Variants in TMEM178B observed in about 807,000 individuals in gnomAD.
TMEM178B encodes transmembrane protein 178B.
In TMEM178B, 5 loss-of-function variants were observed where a neutral mutation model predicts 31.0. The observed-to-expected ratio is 0.16, with a 90% CI of 0.08 to 0.34. The LOEUF is 0.34. Ranked by LOEUF, TMEM178B falls within the 10% of genes least tolerant of loss-of-function variation. The probability of loss-of-function intolerance (pLI) is 1.00; values close to 1 mark genes in which losing one functional copy is unlikely to be tolerated. For synonymous variants in TMEM178B, 164 were observed against 164.0 expected, an observed-to-expected ratio of 1.00 and a Z score of 0.00; for missense variants, 275 against 400.3, an observed-to-expected ratio of 0.69 and a Z score of 2.67.
intron 1 of TMEM178B, among the ~76,000 whole-genome samples, chr7:141,100,994 A>C (rs1795047190): frequency 6.6e-6 from 1 of 152,194 alleles, no homozygotes; most frequent in Non-Finnish European, 1.5e-5. Flanking sequence ...TACTTCATAG[A>C]TACACATATT....
intron 2 of TMEM178B, among the ~76,000 whole-genome samples, chr7:141,266,626 T>G (rs888155699): frequency 6.6e-6 from 1 of 152,286 alleles, no homozygotes. Flanking sequence ...TCTGGACATC[T>G]TGAGCAAGTC....
At chr7:141,174,022 A>G (rs1275632468) in intron 1 of TMEM178B, among the ~76,000 whole-genome samples, 2 of 152,162 alleles carry the variant, frequency 1.3e-5, no homozygotes, top group Admixed American at 6.5e-5. Context: ...TGTTTGTTAC[A>G]TAGGTATACA....
At chr7:141,275,717 A>G (rs1798255249) in intron 2 of TMEM178B, among the ~76,000 whole-genome samples, 1 of 152,226 alleles carries the variant, frequency 6.6e-6, no homozygotes, top group Non-Finnish European at 1.5e-5. Context: ...TAATTTCATT[A>G]TAAGGTTCAT....
At chr7:141,494,785 A>G in the TMEM178B span, among the ~76,000 whole-genome samples, 5 of 152,332 alleles carry the variant, frequency 3.3e-5, no homozygotes, top group Admixed American at 2.0e-4. Context: ...AGGAGTGTTA[A>G]TGATAGCATG....
chr7:141,165,183 C>T (rs1446472193), intron 1 of TMEM178B, among the ~76,000 whole-genome samples: 1 of 66,772 alleles, frequency 1.5e-5, no homozygotes, highest in South Asian at 2.7e-4. Context: ...TATTTTTATA[C>T]TAATGTCCTT....
intron 3 of TMEM178B, among the ~76,000 whole-genome samples, chr7:141,450,517 A>G (rs546450046): frequency 6.6e-4 from 101 of 152,344 alleles, no homozygotes; most frequent in Admixed American, 2.0e-3. Flanking sequence ...GTGTTGTTTC[A>G]GCAGAAAAGA....
chr7:141,395,657 G>A (rs954781333), intron 2 of TMEM178B, among the ~76,000 whole-genome samples: 4 of 152,106 alleles, frequency 2.6e-5, no homozygotes, highest in African/African-American at 7.2e-5. Flanking sequence ...AGGTGATGGC[G>A]TCTGGCTCTG....
At position 141,152,845 on chromosome 7, in the gene TMEM178B, T is replaced by C. The variant is rs531393214; in HGVS notation, c.383-59746T>C. On this transcript the variant is annotated intron_variant, in intron 1 of 3. Transcript: ENST00000565468. ...AATAATAGTTACTATTCATTTTCTC[T>C]AATAGCAGTAGCTAACATTTACTAG... 5.3e-5 allele frequency among the ~76,000 whole-genome samples: 8 copies of C among 152,380 alleles called. No individual in the cohort carries two copies. In the South Asian group the frequency reaches 1.7e-3, roughly 32 times the overall value.
chr7:141,102,202 G>C (rs745849700), intron 1 of TMEM178B, among the ~76,000 whole-genome samples: 8 of 152,154 alleles, frequency 5.3e-5, no homozygotes, highest in Non-Finnish European at 1.0e-4. Context: ...GCCAAACAAA[G>C]CATTCATTGT....
At chr7:141,217,061 A>G (rs1797164220) in intron 2 of TMEM178B, among the ~76,000 whole-genome samples, 1 of 152,124 alleles carries the variant, frequency 6.6e-6, no homozygotes, top group South Asian at 2.1e-4. Flanking sequence ...ATATAACAGA[A>G]TCTGATTGAC....
chr7:141,506,434 A>T, the TMEM178B span, among the ~76,000 whole-genome samples: 1 of 152,210 alleles, frequency 6.6e-6, no homozygotes, highest in African/African-American at 2.4e-5. Context: ...CACTTCTTAC[A>T]TGGTGACGGC....
In TMEM178B at chr7:141,223,479, C is replaced by CTTTTTTTTTT. The variant is rs10680431; in HGVS notation, c.496+10783_496+10792dup. On this transcript the variant is annotated intron_variant, in intron 2 of 3. Transcript: ENST00000565468. ...GCTGATGTTCTCTGCTGTTTTCACT[C>CTTTTTTTTTT]TTTTTTTTTTTTTTTTTGTATTTCC... Among the ~76,000 whole-genome samples the CTTTTTTTTTT allele has an allele frequency of 1.3e-3, 170 of 131,110 alleles. 1 individual carries two copies. The highest frequency in any genetic ancestry group is 4.6e-3 in the African/African-American group (152 of 33,048). The allele number at this position is 131,110 out of a possible 152,430, so 86.0% of individuals were successfully genotyped here. A position where few individuals can be genotyped will look rare whatever the true frequency, so the allele number is the denominator to read the frequency against.
chr7:141,218,944 C>G (rs1011299097), intron 2 of TMEM178B, among the ~76,000 whole-genome samples: 2 of 152,244 alleles, frequency 1.3e-5, no homozygotes, highest in African/African-American at 4.8e-5. Context: ...AACTCTCTGG[C>G]TTTCTCAGCC....
At chr7:141,399,603 C>T (rs1308238681) in intron 2 of TMEM178B, among the ~76,000 whole-genome samples, 1 of 152,190 alleles carries the variant, frequency 6.6e-6, no homozygotes, top group Non-Finnish European at 1.5e-5. Context: ...TTGCTAGACA[C>T]CTCTGGGTCT....
intron 2 of TMEM178B, among the ~76,000 whole-genome samples, chr7:141,337,548 A>G (rs1231403773): frequency 2.0e-5 from 3 of 152,200 alleles, no homozygotes; most frequent in African/African-American, 7.2e-5. Flanking sequence ...TATGGTATAG[A>G]TGATAAGTTT....
chr7:141,357,677 C>G (rs934212192), intron 2 of TMEM178B, among the ~76,000 whole-genome samples: 2 of 152,184 alleles, frequency 1.3e-5, no homozygotes, highest in Admixed American at 1.3e-4. Context: ...TTATATGCAT[C>G]ACTACTTCGA....
intron 2 of TMEM178B, 27 bp downstream of exon 2, chr7:141,212,731 G>C (rs1279709325): frequency 3.3e-6 from 5 of 1,511,750 alleles, no homozygotes; most frequent in Non-Finnish European, 3.6e-6. Flanking sequence ...CTCAGTGGCT[G>C]TGACTGTGCT....
chr7:141,318,301 T>A lies in TMEM178B; in HGVS notation c.496+105597T>A, dbSNP rs1280940469. ...ATGATGATGGCTGGCCATTCTTTCT[T>A]ATAACCCATTTTGAGAGTGGGAATG... On this transcript the variant is annotated intron_variant, in intron 2 of 3. Transcript: ENST00000565468. This position sits in a 1 kb window ranked among gnomAD's most constrained non-coding sequence, Gnocchi z 4.1. 1.3e-5 allele frequency among the ~76,000 whole-genome samples: 2 copies of A among 152,196 alleles called. No homozygotes were observed. The highest frequency in any genetic ancestry group is 1.3e-4 in the Admixed American group (2 of 15,280).
intron 2 of TMEM178B, among the ~76,000 whole-genome samples, chr7:141,223,521 G>A (rs1471479325): frequency 7.0e-6 from 1 of 142,380 alleles, no homozygotes; most frequent in African/African-American, 2.8e-5. Flanking sequence ...TCTAACTCTG[G>A]TTTAACTTTG....
Sources: gnomAD v4.1 joint callset for allele counts (sites outside exome capture counted in the v4.1 genomes callset) on GRCh38, gnomAD v4.1.1 for gene constraint, Gnocchi (gnomAD v3.1) non-coding constraint, MANE v1.5 for transcripts, NCBI Gene and HGNC (gene_info 2026-07-23, HGNC 2026-07-21) for gene names.